The following GSK3B variants were observed in gnomAD, a reference collection of about 807,000 sequenced individuals.
GSK3B encodes glycogen synthase kinase-3 beta.
A neutral mutation model predicts 56.4 loss-of-function variants in GSK3B; 15 were observed. That is an observed-to-expected ratio of 0.27 (90% confidence interval 0.18 to 0.41). GSK3B has a LOEUF of 0.41. Among genes scored for constraint, GSK3B ranks in the 10% least tolerant of loss-of-function variants. GSK3B has a pLI of 1.00. For synonymous variants in GSK3B, 181 were observed against 188.9 expected, an observed-to-expected ratio of 0.96 and a Z score of 0.34; for missense variants, 300 against 513.4, an observed-to-expected ratio of 0.58 and a Z score of 4.02.
At chr3:119,934,360 AC>A (rs2056974226) in intron 3 of GSK3B, among the ~76,000 whole-genome samples, 1 of 152,108 alleles carries the variant, frequency 6.6e-6, no homozygotes, top group African/African-American at 2.4e-5. Flanking sequence ...AAAACGTGTA[AC>A]CCCAGTTTTA....
At chr3:120,093,136 T>C (rs1309786274) in intron 1 of GSK3B, among the ~76,000 whole-genome samples, 1 of 152,044 alleles carries the variant, frequency 6.6e-6, no homozygotes, top group Non-Finnish European at 1.5e-5. Context: ...CAAATAAATA[T>C]CATATTATCT....
At chr3:119,855,231 C>T (rs993796769) in intron 9 of GSK3B, among the ~76,000 whole-genome samples, 35 of 152,126 alleles carry the variant, frequency 2.3e-4, no homozygotes, top group African/African-American at 8.5e-4. Flanking sequence ...TGAAAAAATG[C>T]TCATCATCAC....
In GSK3B at chr3:120,018,566, T is replaced by C. The variant is rs147873276; in HGVS notation, c.89-16327A>G. 3.9e-4 allele frequency among the ~76,000 whole-genome samples: 59 copies of C among 152,314 alleles called. No individual in the cohort carries two copies. The East Asian group carries it at 7.9e-3, about 20-fold the overall frequency. On this transcript the variant is annotated intron_variant, in intron 1 of 10. Transcript: ENST00000264235. ...CTATACTATAGTCTTATAGTACTCATCCAAATTGCCTCATCCAATTCCTAA... is the reference window on the plus strand; with the variant it reads ...CTATACTATAGTCTTATAGTACTCACCCAAATTGCCTCATCCAATTCCTAA...
At chr3:119,897,961 T>A (rs187704853) in intron 7 of GSK3B, among the ~76,000 whole-genome samples, 1 of 152,054 alleles carries the variant, frequency 6.6e-6, no homozygotes, top group Non-Finnish European at 1.5e-5. Flanking sequence ...GAAAATAAGG[T>A]TGAACTGTAC....
At chr3:120,000,918 C>G in intron 2 of GSK3B, among the ~76,000 whole-genome samples, 1 of 91,054 alleles carries the variant, frequency 1.1e-5, no homozygotes, top group East Asian at 3.5e-4. Context: ...ATGTAATCTC[C>G]TTTTTTTTTT....
chr3:120,052,757 A>G (rs560896877), intron 1 of GSK3B, among the ~76,000 whole-genome samples: 1 of 152,330 alleles, frequency 6.6e-6, no homozygotes, highest in Non-Finnish European at 1.5e-5. Context: ...AAAAACATCA[A>G]GCTTAGAAAA....
chr3:119,967,620 T>C (rs1008378598), intron 2 of GSK3B, among the ~76,000 whole-genome samples: 1 of 152,058 alleles, frequency 6.6e-6, no homozygotes, highest in East Asian at 1.9e-4. Context: ...TTTGACAAGG[T>C]TGTCAACACA....
In GSK3B at chr3:119,978,675, T is replaced by C. The variant is rs1027579646; in HGVS notation, c.282+23371A>G. Among the ~76,000 whole-genome samples the C allele has an allele frequency of 1.1e-4, 16 of 152,238 alleles. No homozygotes were observed. The East Asian group carries it at 2.3e-3, about 22-fold the overall frequency. On this transcript the variant is annotated intron_variant, in intron 2 of 10. Coordinates refer to ENST00000264235, the MANE Select transcript of GSK3B (RefSeq NM_001146156.2). ...ACTTTTCCCTCATCCTCCCTTTTTT[T>C]TTCTTCCTCTCTCTCTCTCCCTCGT...
intron 1 of GSK3B, among the ~76,000 whole-genome samples, chr3:120,076,145 T>C (rs1576312407): frequency 6.6e-6 from 1 of 151,702 alleles, no homozygotes; most frequent in East Asian, 1.9e-4. Flanking sequence ...TTGGGAAAAA[T>C]GGATTTCCAC....
intron 2 of GSK3B, among the ~76,000 whole-genome samples, chr3:119,948,724 G>A (rs2057125750): frequency 6.6e-6 from 1 of 152,160 alleles, no homozygotes; most frequent in Non-Finnish European, 1.5e-5. Flanking sequence ...TTGAGACAGA[G>A]TTTCACTCTT....
At chr3:119,866,555 C>A in intron 8 of GSK3B, 2 of 1,418,594 alleles carry the variant, frequency 1.4e-6, no homozygotes, top group Non-Finnish European at 2.0e-6. Context: ...ATAGACCTGC[C>A]CTGAAATTTT....
chr3:120,031,210 A>G (rs966611819), intron 1 of GSK3B, among the ~76,000 whole-genome samples: 1 of 152,230 alleles, frequency 6.6e-6, no homozygotes, highest in Non-Finnish European at 1.5e-5. Context: ...AATATTTCTA[A>G]AACACATTCT....
intron 9 of GSK3B, among the ~76,000 whole-genome samples, chr3:119,845,632 T>C (rs2055844766): frequency 6.6e-6 from 1 of 152,168 alleles, no homozygotes; most frequent in Non-Finnish European, 1.5e-5. Context: ...CAAGGAGGAC[T>C]ACAAACCACT....
At chr3:120,073,125 A>T (rs1490261526) in intron 1 of GSK3B, among the ~76,000 whole-genome samples, 1 of 151,248 alleles carries the variant, frequency 6.6e-6, no homozygotes, top group Non-Finnish European at 1.5e-5. Context: ...TGTGGCTCAC[A>T]TCTATAATCC....
At chr3:119,946,407 A>G (rs1337220723) in intron 3 of GSK3B, among the ~76,000 whole-genome samples, 4 of 152,200 alleles carry the variant, frequency 2.6e-5, no homozygotes, top group Non-Finnish European at 5.9e-5. Context: ...TAACAAGAAC[A>G]CTGAGCTAGG....
At chr3:119,991,740 T>C (rs2057567418) in intron 2 of GSK3B, among the ~76,000 whole-genome samples, 1 of 152,060 alleles carries the variant, frequency 6.6e-6, no homozygotes, top group Admixed American at 6.6e-5. Context: ...AATAGGTCAA[T>C]ATATCAAATT....
intron 1 of GSK3B, chr3:120,029,375 A>G (rs879275682): frequency 1.3e-5 from 10 of 766,438 alleles, no homozygotes; most frequent in Non-Finnish European, 2.1e-5. Context: ...TGCTGTCAAC[A>G]TTCAGTCATT....
At chr3:119,911,950 T>C (rs921331099) in intron 6 of GSK3B, among the ~76,000 whole-genome samples, 2 of 152,198 alleles carry the variant, frequency 1.3e-5, no homozygotes, top group Non-Finnish European at 2.9e-5. Context: ...TTCACTTTCT[T>C]ATCATTCATC....
intron 6 of GSK3B, 75 bp from the exon 7 acceptor site, chr3:119,905,927 ATTTT>A: frequency 1.2e-6 from 1 of 845,948 alleles, no homozygotes; most frequent in South Asian, 1.4e-5. Context: ...ACGTTTTCTA[ATTTT>A]ACTTTGATCA....
Sources: allele counts gnomAD v4.1 joint callset (sites outside exome capture counted in the v4.1 genomes callset), GRCh38; gene constraint gnomAD v4.1.1; transcripts MANE v1.5; gene names NCBI Gene and HGNC (gene_info 2026-07-23, HGNC 2026-07-21).